Variants in ARHGAP5 observed in about 807,000 individuals in gnomAD.
ARHGAP5 encodes the protein Rho GTPase activating protein 5, also known as rho GTPase-activating protein 5.
A neutral mutation model predicts 116.6 loss-of-function variants in ARHGAP5; 23 were observed. The observed-to-expected ratio is 0.20, with a 90% confidence interval of 0.14 to 0.28. The LOEUF (loss-of-function observed/expected upper bound fraction) is 0.28, where lower values mean the gene tolerates loss of function less well. Ranked by LOEUF, ARHGAP5 falls within the 10% of genes least tolerant of loss-of-function variation. ARHGAP5 has a pLI of 1.00. For missense variants in ARHGAP5, 1,405 were observed against 1,774.8 expected (o/e 0.79, Z 3.74); for synonymous variants, 574 against 602.0 (o/e 0.95, Z 0.68).
intron 3 of ARHGAP5, among the ~76,000 whole-genome samples, chr14:32,131,722 T>G (rs968426061): frequency 2.0e-5 from 3 of 152,216 alleles, no homozygotes; most frequent in African/African-American, 7.2e-5. Flanking sequence ...CTCCTAATGC[T>G]ATCCCTCCCC....
chr14:32,114,124 A>T (rs564973275), intron 2 of ARHGAP5, among the ~76,000 whole-genome samples: 3 of 152,088 alleles, frequency 2.0e-5, no homozygotes, highest in Admixed American at 6.5e-5. Context: ...GCTACTCGGG[A>T]GGCTGAGGCA....
At chr14:32,099,706 T>A (rs1878702447) in intron 2 of ARHGAP5, among the ~76,000 whole-genome samples, 1 of 152,236 alleles carries the variant, frequency 6.6e-6, no homozygotes, top group South Asian at 2.1e-4. Flanking sequence ...TTAGTTTTCT[T>A]GACTCATTTT....
At chr14:32,127,281 GAA>G (rs1339117129) in intron 3 of ARHGAP5, among the ~76,000 whole-genome samples, 2 of 152,040 alleles carry the variant, frequency 1.3e-5, no homozygotes, top group African/African-American at 2.4e-5. Flanking sequence ...ATAAACATGT[GAA>G]CAAAGGTCTC....
At chr14:32,119,030 T>C (rs1443896255) in intron 3 of ARHGAP5, among the ~76,000 whole-genome samples, 1 of 152,160 alleles carries the variant, frequency 6.6e-6, no homozygotes, top group Non-Finnish European at 1.5e-5. Context: ...ATTTATATAT[T>C]TAAGTGCTTT....
At chr14:32,117,353 G>A in intron 3 of ARHGAP5, 66 bp downstream of exon 3, 1 of 1,387,068 alleles carries the variant, frequency 7.2e-7, no homozygotes, top group Non-Finnish European at 9.9e-7. Context: ...CCAACAGTTT[G>A]TCAAATGTTT....
intron 2 of ARHGAP5, among the ~76,000 whole-genome samples, chr14:32,113,341 A>G (rs986591682): frequency 3.3e-5 from 5 of 152,144 alleles, no homozygotes; most frequent in Admixed American, 3.3e-4. Context: ...CCTTTGTAGC[A>G]GTGTCATTAA....
At chr14:32,147,871 G>C (rs970703838) in intron 4 of ARHGAP5, among the ~76,000 whole-genome samples, 3 of 152,022 alleles carry the variant, frequency 2.0e-5, no homozygotes, top group Non-Finnish European at 4.4e-5. Context: ...AAAAAATATT[G>C]GCCAGTCACA....
chr14:32,140,732 G>A (rs1881084199), intron 3 of ARHGAP5, among the ~76,000 whole-genome samples: 1 of 151,788 alleles, frequency 6.6e-6, no homozygotes, highest in Admixed American at 6.6e-5. Context: ...AACTTGTTTT[G>A]TGGCCTAACA....
chr14:32,123,864 A>G (rs1880011746), intron 3 of ARHGAP5, among the ~76,000 whole-genome samples: 1 of 152,200 alleles, frequency 6.6e-6, no homozygotes, highest in African/African-American at 2.4e-5. Flanking sequence ...GTTTATACCT[A>G]CAATAAAATT....
At chr14:32,149,216 A>C (rs1265645403) in intron 4 of ARHGAP5, among the ~76,000 whole-genome samples, 1 of 148,552 alleles carries the variant, frequency 6.7e-6, no homozygotes. Flanking sequence ...GGGTCTCACT[A>C]TGTTGCCCAG....
chr14:32,112,267 G>A (rs576968079), intron 2 of ARHGAP5, among the ~76,000 whole-genome samples: 19 of 152,286 alleles, frequency 1.2e-4, no homozygotes, highest in Non-Finnish European at 2.4e-4. Flanking sequence ...CATTTGAGGT[G>A]TTTGGTTTTT....
At chr14:32,089,671 C>T (rs2041865142) in intron 1 of ARHGAP5, among the ~76,000 whole-genome samples, 1 of 151,790 alleles carries the variant, frequency 6.6e-6, no homozygotes, top group African/African-American at 2.4e-5. Context: ...GGTCTTTGTG[C>T]CCTTTGTAAC....
intron 5 of ARHGAP5, 98 bp downstream of exon 5, chr14:32,150,131 T>A: frequency 1.0e-6 from 1 of 974,122 alleles, no homozygotes; most frequent in Non-Finnish European, 1.4e-6. Flanking sequence ...AATATGTAGC[T>A]AATAAAAATT....
chr14:32,093,803 T>C lies in ARHGAP5; in HGVS notation c.3134T>C (p.Val1045Ala), dbSNP rs756831440. The change falls in exon 2 of 7, where the codon GTT (valine) becomes GCT (alanine). Residue 1045 changes from valine (V) to alanine (A), a missense_variant. This residue lies in a region of ARHGAP5 where 944 missense variants were observed against 1,095.3 expected (regional missense o/e 0.86). Coordinates refer to ENST00000345122, the MANE Select transcript of ARHGAP5 (RefSeq NM_001030055.2). ...KVPPPIKPKP[V>A]VPKTNVKKLD... is the part of the protein sequence containing the mutation. ...CCTCCACCTATTAAACCTAAACCAG[T>C]TGTACCTAAGACAAATGTGAAAAAA... 6.2e-7 allele frequency: 1 copy of C among 1,613,872 alleles called. No homozygotes were observed. Among genetic ancestry groups the C allele is most frequent in the Admixed American group, 1.7e-5 (1 of 59,958 alleles).
intron 5 of ARHGAP5, 97 bp downstream of exon 5, chr14:32,150,130 C>G (rs1881576637): frequency 1.0e-6 from 1 of 1,004,736 alleles, no homozygotes; most frequent in African/African-American, 1.7e-5. Context: ...GAATATGTAG[C>G]TAATAAAAAT....
chr14:32,077,960 T>C (rs2041727951), intron 1 of ARHGAP5, among the ~76,000 whole-genome samples: 1 of 152,112 alleles, frequency 6.6e-6, no homozygotes, highest in Non-Finnish European at 1.5e-5. Flanking sequence ...CCTCATCTCC[T>C]CGACTCCTCC....
intron 1 of ARHGAP5, among the ~76,000 whole-genome samples, chr14:32,084,437 G>A (rs1030437579): frequency 6.6e-6 from 1 of 152,130 alleles, no homozygotes; most frequent in African/African-American, 2.4e-5. Flanking sequence ...TGGGCCCAAA[G>A]CAGTACATAA....
intron 3 of ARHGAP5, among the ~76,000 whole-genome samples, chr14:32,124,761 A>G (rs1035799147): frequency 6.6e-6 from 1 of 152,210 alleles, no homozygotes; most frequent in African/African-American, 2.4e-5. Context: ...ATATATGGCT[A>G]TGGATCTCTG....
chr14:32,128,800 T>C (rs1243760430), intron 3 of ARHGAP5, among the ~76,000 whole-genome samples: 1 of 152,252 alleles, frequency 6.6e-6, no homozygotes, highest in Non-Finnish European at 1.5e-5. Context: ...TGCATCTATA[T>C]TCATAAAAGA....
Sources: gnomAD v4.1 joint callset for allele counts (sites outside exome capture counted in the v4.1 genomes callset) on GRCh38, gnomAD v4.1.1 for gene constraint, gnomAD v4.1.1 regional missense constraint, MANE v1.5 for transcripts, NCBI Gene and HGNC (gene_info 2026-07-23, HGNC 2026-07-21) for gene names.